CPD: variants seen among roughly 807,000 people sequenced by gnomAD.
CPD encodes the protein carboxypeptidase D.
In CPD, 69 loss-of-function variants were observed where a neutral mutation model predicts 138.3. The observed-to-expected ratio is 0.50, with a 90% CI of 0.41 to 0.61. The LOEUF is 0.61. CPD is among the 20% of genes least tolerant of loss of function. The probability of loss-of-function intolerance (pLI) is 0.00; values close to 1 mark genes in which losing one functional copy is unlikely to be tolerated. For missense variants in CPD, 1,432 were observed against 1,733.3 expected (o/e 0.83, Z 3.09); for synonymous variants, 651 against 642.1 (o/e 1.01, Z -0.21).
chr17:30,389,393 A>G (rs1231076168), intron 2 of CPD, among the ~76,000 whole-genome samples: 1 of 152,194 alleles, frequency 6.6e-6, no homozygotes, highest in Non-Finnish European at 1.5e-5. Flanking sequence ...ATTTTTTTGT[A>G]GATAATGGAC....
At chr17:30,447,344 A>G (rs988610611) in intron 12 of CPD, among the ~76,000 whole-genome samples, 39 of 152,278 alleles carry the variant, frequency 2.6e-4, no homozygotes, top group African/African-American at 9.4e-4. Context: ...TCGTGAATTA[A>G]TTTTTGTATA....
At chr17:30,395,720 C>T (rs7225956) in intron 2 of CPD, among the ~76,000 whole-genome samples, 76,430 of 145,268 alleles carry the variant, frequency 0.53, 20,265 homozygotes, top group East Asian at 0.82. Flanking sequence ...TGGGAGAGTA[C>T]ATTTAAAAAA....
chr17:30,418,056 C>T (rs1422311705), intron 2 of CPD, among the ~76,000 whole-genome samples: 2 of 152,160 alleles, frequency 1.3e-5, no homozygotes, highest in Non-Finnish European at 2.9e-5. Flanking sequence ...TTTTGGCTGA[C>T]TTACAGTTTT....
intron 2 of CPD, among the ~76,000 whole-genome samples, chr17:30,393,801 CTTTGTT>C (rs1398535914): frequency 1.3e-5 from 2 of 152,170 alleles, no homozygotes; most frequent in African/African-American, 4.8e-5. Context: ...GCTTGTGTTA[CTTTGTT>C]TTTAAGATTA....
rs763284658 is a variant in CPD at position 30,420,972 on chromosome 17, T to C, written c.1126T>C (p.Leu376=). 4 of 1,613,378 alleles carry C rather than the reference T, an allele frequency of 2.5e-6. No homozygotes were observed. Among genetic ancestry groups the C allele is most frequent in the South Asian group, 1.1e-5 (1 of 90,940 alleles). Residue 376 remains leucine (L), a synonymous_variant, in exon 3 of 21, where the codon TTG becomes CTG. Coordinates refer to ENST00000225719, the MANE Select transcript of CPD (RefSeq NM_001304.5). ...GAACAATCGTGAGTCTTTGATCACATTGATTGAAAAGGTAAAAGTAGATGA... is the reference window on the plus strand; with the variant it reads ...GAACAATCGTGAGTCTTTGATCACACTGATTGAAAAGGTAAAAGTAGATGA... The part of the protein sequence containing the change: ...WENNRESLIT[L]IEKVHIGVKG...
At chr17:30,428,459 T>C (rs1912479434) in intron 7 of CPD, among the ~76,000 whole-genome samples, 1 of 152,156 alleles carries the variant, frequency 6.6e-6, no homozygotes, top group Non-Finnish European at 1.5e-5. Flanking sequence ...ATCTGATAAA[T>C]AGATAAATAA....
Position 30,466,148 on chromosome 17 carries a change from T to G in CPD, c.*1334T>G, listed in dbSNP as rs757307077. 6 of 152,668 alleles carry G rather than the reference T, an allele frequency of 3.9e-5. No individual in the cohort carries two copies. Among genetic ancestry groups the G allele is most frequent in the Non-Finnish European group, 7.3e-5 (5 of 68,030 alleles). The allele number at this position is 152,668 out of a possible 1,614,324, so 9.5% of individuals were successfully genotyped here. Reference sequence around the variant, plus strand: ...TGTCTGTCTTATCATGCAATGGAAATGATGCTTTTTGTAAGTATGCATCTT... The same window carrying G: ...TGTCTGTCTTATCATGCAATGGAAAGGATGCTTTTTGTAAGTATGCATCTT... On this transcript the variant is annotated 3_prime_UTR_variant, in exon 21 of 21. Transcript: ENST00000225719.
chr17:30,396,460 A>G (rs1376896631), intron 2 of CPD, among the ~76,000 whole-genome samples: 1 of 152,122 alleles, frequency 6.6e-6, no homozygotes, highest in African/African-American at 2.4e-5. Flanking sequence ...TGTTTGAGAC[A>G]GAAGAGTGAA....
chr17:30,456,757 G>A (rs928525658), intron 17 of CPD: 14 of 393,258 alleles, frequency 3.6e-5, no homozygotes, highest in Non-Finnish European at 6.1e-5. Flanking sequence ...CAGGAGAATC[G>A]CTTGAACCTG....
chr17:30,447,296 T>C (rs1026445290), intron 12 of CPD, among the ~76,000 whole-genome samples: 5 of 152,184 alleles, frequency 3.3e-5, no homozygotes, highest in African/African-American at 1.2e-4. Context: ...TTCTAGGGTT[T>C]TTATGGTTTT....
intron 2 of CPD, among the ~76,000 whole-genome samples, chr17:30,392,895 A>G (rs1289443078): frequency 1.3e-5 from 2 of 152,216 alleles, no homozygotes; most frequent in Non-Finnish European, 2.9e-5. Flanking sequence ...GGTCAGAAAT[A>G]TAGTTGTCAG....
rs370666752 is a variant in CPD, at chr17:30,439,062, T to C, written c.2215T>C (p.Trp739Arg). The C allele has an allele frequency of 6.3e-7, 1 of 1,585,480 alleles. No individual in the cohort carries two copies. The highest frequency in any genetic ancestry group is 8.6e-7 in the Non-Finnish European group (1 of 1,168,630). ...FPHGITNGAS[W>R]YNVPGGMQDW... is the part of the protein sequence containing the mutation. Reference sequence around the variant, plus strand: ...TCATGGAATAACAAATGGAGCTAGTTGGTATAATGTGCCAGGTAAAGATTC... The same window carrying C: ...TCATGGAATAACAAATGGAGCTAGTCGGTATAATGTGCCAGGTAAAGATTC... Residue 739 changes from tryptophan to arginine, a missense_variant, in exon 9 of 21, where the codon TGG becomes CGG. Physicochemically the swap from Trp to Arg is moderately radical, Grantham distance 101. Transcript: ENST00000225719.
chr17:30,399,796 C>G (rs1300389872), intron 2 of CPD, among the ~76,000 whole-genome samples: 2 of 152,070 alleles, frequency 1.3e-5, no homozygotes, highest in Non-Finnish European at 2.9e-5. Flanking sequence ...TCGAGACCAG[C>G]CTGGCCAAAA....
At chr17:30,429,373 G>A (rs76429607) in intron 7 of CPD, among the ~76,000 whole-genome samples, 1 of 152,250 alleles carries the variant, frequency 6.6e-6, no homozygotes, top group Non-Finnish European at 1.5e-5. Flanking sequence ...CCAGACCTTG[G>A]CATGGTGAGA....
intron 2 of CPD, among the ~76,000 whole-genome samples, chr17:30,420,627 A>T: frequency 6.6e-6 from 1 of 152,112 alleles, no homozygotes; most frequent in Non-Finnish European, 1.5e-5. Flanking sequence ...AATTAAATGT[A>T]TTTTTTCACT....
At chr17:30,440,037 T>A (rs1178686014) in intron 9 of CPD, among the ~76,000 whole-genome samples, 2 of 137,464 alleles carry the variant, frequency 1.5e-5, no homozygotes, top group Non-Finnish European at 3.1e-5. Flanking sequence ...AATGTAAAAG[T>A]GTTCCTATTT....
intron 7 of CPD, among the ~76,000 whole-genome samples, chr17:30,431,053 C>T (rs1912550282): frequency 6.6e-6 from 1 of 152,186 alleles, no homozygotes; most frequent in Non-Finnish European, 1.5e-5. Context: ...CTGTTTTCCA[C>T]AGAGGCTGGA....
At chr17:30,412,312 C>T (rs1406153011) in intron 2 of CPD, among the ~76,000 whole-genome samples, 1 of 152,176 alleles carries the variant, frequency 6.6e-6, no homozygotes, top group African/African-American at 2.4e-5. Flanking sequence ...GAGGTGTCTC[C>T]CAGTCAGTCT....
rs747512693 is a variant in CPD at position 30,465,880 on chromosome 17, G to A, written c.*1066G>A. On this transcript the variant is annotated 3_prime_UTR_variant, in exon 21 of 21. Coordinates refer to ENST00000225719, the MANE Select transcript of CPD (RefSeq NM_001304.5). The stretch of plus-strand genomic sequence containing the variant: ...GTAATAGCATACTATTATTGAAATC[G>A]CTTGACCGGTCTTGTTCACATAGGC... The A allele has an allele frequency of 4.6e-5, 7 of 152,458 alleles. No individual in the cohort carries two copies. The highest frequency in any genetic ancestry group is 1.7e-4 in the African/African-American group (7 of 41,388). 9.4% of individuals were successfully genotyped at this position (152,458 alleles called of 1,614,324 possible).
Sources: allele counts gnomAD v4.1 joint callset (sites outside exome capture counted in the v4.1 genomes callset), GRCh38; gene constraint gnomAD v4.1.1; transcripts MANE v1.5; gene names NCBI Gene and HGNC (gene_info 2026-07-23, HGNC 2026-07-21).